Variants in INPP5F observed in about 807,000 individuals in gnomAD.
INPP5F encodes phosphatidylinositide 4-phosphatase SAC2.
Under a neutral mutation model 137.2 loss-of-function variants are expected in INPP5F, and 97 were observed. That is an observed-to-expected ratio of 0.71 (90% confidence interval 0.60 to 0.84). INPP5F has a LOEUF of 0.84. Ranked by LOEUF, INPP5F falls within the 40% of genes least tolerant of loss-of-function variation. INPP5F has a pLI of 0.00. For missense variants in INPP5F, 1,271 were observed against 1,371.9 expected (o/e 0.93, Z 1.16); for synonymous variants, 504 against 476.9 (o/e 1.06, Z -0.74).
chr10:119,771,880 A>ATT (rs1849369349), intron 2 of INPP5F, among the ~76,000 whole-genome samples: 2 of 19,900 alleles, frequency 1.0e-4, no homozygotes, highest in Admixed American at 9.9e-4. Flanking sequence ...ATATATATAT[A>ATT]TATTTTTTTT....
chr10:119,774,811 T>A (rs1156573489), intron 2 of INPP5F, among the ~76,000 whole-genome samples: 1 of 152,172 alleles, frequency 6.6e-6, no homozygotes, highest in East Asian at 1.9e-4. Context: ...TCTGAAAAAC[T>A]GCTAAATATA....
At chr10:119,797,772 A>C (rs1216233195) in intron 8 of INPP5F, 132 bp downstream of exon 8, 1 of 645,604 alleles carries the variant, frequency 1.5e-6, no homozygotes, top group Non-Finnish European at 2.5e-6. Flanking sequence ...TATTTGAAAA[A>C]TGTAATAGAA....
At chr10:119,802,168 A>G (rs1207867536) in intron 9 of INPP5F, among the ~76,000 whole-genome samples, 1 of 152,274 alleles carries the variant, frequency 6.6e-6, no homozygotes, top group South Asian at 2.1e-4. Context: ...TTCTGCTCTA[A>G]TAAGAGATAC....
At position 119,800,281 on chromosome 10, in the gene INPP5F, C is replaced by T. The variant is rs185453675; in HGVS notation, c.1116+1671C>T. 1.4e-3 allele frequency among the ~76,000 whole-genome samples: 212 copies of T among 151,620 alleles called. 1 individual carries two copies. The highest frequency in any genetic ancestry group is 2.5e-3 in the Non-Finnish European group (172 of 67,932). ...AGTATATTTAAAAATGCCTGCTGGG[C>T]GTGGTGGCTCACGCCTGTAATCCCA... On this transcript the variant is annotated intron_variant, in intron 9 of 19. Coordinates refer to ENST00000650623, the MANE Select transcript of INPP5F (RefSeq NM_014937.4).
In INPP5F at chr10:119,798,719, T is replaced by C. The variant is rs561262280; in HGVS notation, c.1116+109T>C. The C allele has an allele frequency of 2.7e-5, 17 of 626,032 alleles. No homozygotes were observed. The African/African-American group carries it at 3.0e-4, about 11-fold the overall frequency. 38.8% of individuals were successfully genotyped at this position (626,032 alleles called of 1,614,324 possible). ...CTATTCAAAATTAAAGCATTTGTCATGAAGTTTAACACATTTAAGCTAAGA... is the reference window on the plus strand; with the variant it reads ...CTATTCAAAATTAAAGCATTTGTCACGAAGTTTAACACATTTAAGCTAAGA... On this transcript the variant is annotated intron_variant, in intron 9 of 19. Transcript: ENST00000650623.
In INPP5F at chr10:119,828,772, A is replaced by G. The variant is rs779004587; in HGVS notation, c.*992A>G. 1 of 152,246 alleles carries G rather than the reference A, an allele frequency of 6.6e-6. No homozygotes were observed. Among genetic ancestry groups the G allele is most frequent in the African/African-American group, 2.4e-5 (1 of 41,428 alleles). 9.4% of individuals were successfully genotyped at this position (152,246 alleles called of 1,614,324 possible). ...CTACGCAGGAGGATTGCTTGAGCCC[A>G]TGAGATTGAGGCTGCAGTGAGCTGT... On this transcript the variant is annotated 3_prime_UTR_variant, in exon 20 of 20. Transcript: ENST00000650623.
chr10:119,810,635 G>A (rs17099311), intron 14 of INPP5F, among the ~76,000 whole-genome samples: 7,211 of 152,236 alleles, frequency 0.047, 312 homozygotes, highest in South Asian at 0.26. Flanking sequence ...AAATATACCA[G>A]CCTTTTCCAT....
At chr10:119,823,738 C>T (rs772845424) in intron 18 of INPP5F, 77 bp from the exon 19 acceptor site, 123 of 1,069,968 alleles carry the variant, frequency 1.1e-4, no homozygotes, top group Non-Finnish European at 1.5e-4. Context: ...TTTCATTCAG[C>T]GCTAAATGGG....
Position 119,822,432 on chromosome 10 carries a change from TATG to T in INPP5F, c.1968_1970del (p.Asp656del). On this transcript the variant is annotated inframe_deletion and splice_region_variant, in exon 17 of 20. Coordinates refer to ENST00000650623, the MANE Select transcript of INPP5F (RefSeq NM_014937.4). ...TTAACTTCATTTCCTTTTATCTAGTTATGATGATGAAGTTGATAAAGTAAACCA... is the reference window on the plus strand; with the variant it reads ...TTAACTTCATTTCCTTTTATCTAGTTATGATGAAGTTGATAAAGTAAACCA... 6.7e-7 allele frequency: 1 copy of T among 1,482,760 alleles called. No homozygotes were observed. Among genetic ancestry groups the T allele is most frequent in the South Asian group, 1.3e-5 (1 of 79,628 alleles). 91.9% of individuals were successfully genotyped at this position (1,482,760 alleles called of 1,614,324 possible).
rs3067616 is a variant in INPP5F at position 119,821,337 on chromosome 10, C to CGTGTGTGT, written c.1958+436_1958+443dup. Among the ~76,000 whole-genome samples the CGTGTGTGT allele has an allele frequency of 3.2e-4, 48 of 150,046 alleles. 1 individual carries two copies. The South Asian group carries it at 8.2e-3, about 26-fold the overall frequency. On this transcript the variant is annotated intron_variant, in intron 16 of 19. Coordinates refer to ENST00000650623, the MANE Select transcript of INPP5F (RefSeq NM_014937.4). ...TGATGCAGTTGTCTTTATGCAATAA[C>CGTGTGTGT]GTGTGTGTGTGTGTGTGTGTGTGCA...
At position 119,827,790 on chromosome 10, in the gene INPP5F, A is replaced by G. The variant is rs773770991; in HGVS notation, c.*10A>G. On this transcript the variant is annotated 3_prime_UTR_variant, in exon 20 of 20. Transcript: ENST00000650623. ...GATAATTCAGATTTAGCTTTTAGCC[A>G]TAAGAATCCTTCCATGGCTTTTATT... The G allele has an allele frequency of 9.6e-6, 15 of 1,563,300 alleles. No individual in the cohort carries two copies. In the East Asian group the frequency reaches 1.8e-4, roughly 19 times the overall value.
intron 2 of INPP5F, among the ~76,000 whole-genome samples, chr10:119,778,599 T>C (rs944880663): frequency 2.6e-5 from 4 of 152,172 alleles, no homozygotes; most frequent in African/African-American, 9.7e-5. Flanking sequence ...TGTTTTGCCA[T>C]TTTCCCTCCA....
At chr10:119,783,024 T>G (rs1849760930) in intron 3 of INPP5F, among the ~76,000 whole-genome samples, 1 of 152,230 alleles carries the variant, frequency 6.6e-6, no homozygotes, top group Non-Finnish European at 1.5e-5. Flanking sequence ...CTGATATTAA[T>G]TATTTGTTAC....
intron 19 of INPP5F, 84 bp downstream of exon 19, chr10:119,823,986 A>G: frequency 2.1e-6 from 2 of 963,786 alleles, no homozygotes; most frequent in Non-Finnish European, 3.2e-6. Flanking sequence ...GGGAAAGGGG[A>G]GGAGATCACA....
chr10:119,786,321 A>G (rs369538604), intron 3 of INPP5F, among the ~76,000 whole-genome samples: 12 of 152,206 alleles, frequency 7.9e-5, no homozygotes, highest in African/African-American at 2.4e-4. Context: ...GCCTCTGGAA[A>G]AGGGAAGGTG....
chr10:119,819,705 C>A (rs148633793), intron 15 of INPP5F: 40 of 430,896 alleles, frequency 9.3e-5, no homozygotes, highest in African/African-American at 7.7e-4. Flanking sequence ...CTCATTATGT[C>A]ATTTGCTGTA....
intron 6 of INPP5F, among the ~76,000 whole-genome samples, chr10:119,795,348 C>T (rs1236576388): frequency 2.7e-5 from 4 of 149,486 alleles, no homozygotes; most frequent in African/African-American, 9.9e-5. Flanking sequence ...GGAGGGGCTC[C>T]TCACTTCTCA....
chr10:119,762,219 G>A (rs536367742), intron 2 of INPP5F, among the ~76,000 whole-genome samples: 1 of 152,288 alleles, frequency 6.6e-6, no homozygotes, highest in South Asian at 2.1e-4. Flanking sequence ...AGAATGTCAT[G>A]GACTGGGTGG....
chr10:119,826,684 G>A lies in INPP5F; in HGVS notation c.2303G>A (p.Gly768Asp). The A allele has an allele frequency of 2.5e-6, 4 of 1,610,120 alleles. No homozygotes were observed. Among genetic ancestry groups the A allele is most frequent in the Non-Finnish European group, 3.4e-6 (4 of 1,179,056 alleles). Residue 768 changes from glycine to aspartate, a missense_variant, in exon 20 of 20, where the codon GGT becomes GAT. By Grantham distance (94) the Gly-to-Asp change is moderately conservative. This residue lies in a region of INPP5F where 490 missense variants were observed against 443.7 expected (regional missense o/e 1.10). Transcript: ENST00000650623. The stretch of plus-strand genomic sequence containing the variant: ...ATTGGTATCAGGTCTCAAAACCAAG[G>A]TTCTTTGGCCCAGGGAAAGAATTTT... ...DIIGIRSQNQ[G>D]SLAQGKNFLM...
Sources: allele counts gnomAD v4.1 joint callset (sites outside exome capture counted in the v4.1 genomes callset), GRCh38; gene constraint gnomAD v4.1.1; regional missense constraint gnomAD v4.1.1; transcripts MANE v1.5; gene names NCBI Gene and HGNC (gene_info 2026-07-23, HGNC 2026-07-21).